Variants in METTL24 observed in about 807,000 individuals in gnomAD.
METTL24 encodes probable methyltransferase-like protein 24.
In METTL24, 29 loss-of-function variants were observed where a neutral mutation model predicts 32.7. The observed-to-expected ratio is 0.89, with a 90% CI of 0.66 to 1.21. The LOEUF is 1.21. METTL24 is among the 50% of genes most tolerant of loss of function. The pLI is 0.00. For missense variants in METTL24, 439 were observed against 468.1 expected (o/e 0.94, Z 0.57); for synonymous variants, 163 against 179.5 (o/e 0.91, Z 0.73).
chr6:110,256,913 C>T (rs1778395876), intron 4 of METTL24, among the ~76,000 whole-genome samples: 1 of 152,214 alleles, frequency 6.6e-6, no homozygotes, highest in African/African-American at 2.4e-5. Context: ...CATGTCACTT[C>T]CTTCTTGTGG....
intron 3 of METTL24, among the ~76,000 whole-genome samples, chr6:110,312,768 G>A (rs542853952): frequency 9.2e-5 from 14 of 152,254 alleles, no homozygotes; most frequent in South Asian, 2.1e-4. Context: ...AAGTGTTACC[G>A]GTGCAGGGGT....
intron 1 of METTL24, among the ~76,000 whole-genome samples, chr6:110,329,647 A>C (rs1436054215): frequency 6.6e-6 from 1 of 152,076 alleles, no homozygotes; most frequent in African/African-American, 2.4e-5. Flanking sequence ...GAAGGCTGCG[A>C]GGGGAGTGCC....
chr6:110,357,480 T>G (rs1430464246), intron 1 of METTL24: 1 of 152,280 alleles, frequency 6.6e-6, no homozygotes. Flanking sequence ...TTCAGCGAGA[T>G]GAAGGCAGTG....
intron 4 of METTL24, among the ~76,000 whole-genome samples, chr6:110,250,616 G>A (rs954681785): frequency 6.7e-6 from 1 of 148,834 alleles, no homozygotes; most frequent in Non-Finnish European, 1.5e-5. Context: ...CAATTCCCAG[G>A]GCCAATAGTT....
At chr6:110,283,547 G>A (rs1490858321) in intron 4 of METTL24, among the ~76,000 whole-genome samples, 6 of 152,092 alleles carry the variant, frequency 3.9e-5, no homozygotes, top group African/African-American at 9.7e-5. Flanking sequence ...TGGCTCATTC[G>A]CCCACCCACT....
chr6:110,313,523 C>G (rs1195827123), intron 3 of METTL24, among the ~76,000 whole-genome samples: 1 of 152,138 alleles, frequency 6.6e-6, no homozygotes, highest in African/African-American at 2.4e-5. Flanking sequence ...TTTGATTTTA[C>G]TCAGTTATAT....
At chr6:110,284,103 A>T (rs1006237801) in intron 4 of METTL24, among the ~76,000 whole-genome samples, 1 of 152,210 alleles carries the variant, frequency 6.6e-6, no homozygotes, top group African/African-American at 2.4e-5. Context: ...AGTGAAATAA[A>T]CTACACACAA....
intron 1 of METTL24, among the ~76,000 whole-genome samples, chr6:110,353,547 CTT>C (rs75803780): frequency 2.9e-5 from 3 of 104,026 alleles, no homozygotes; most frequent in Non-Finnish European, 6.2e-5. Context: ...GGAAACAGTT[CTT>C]TTTTTTTTTT....
intron 3 of METTL24, among the ~76,000 whole-genome samples, chr6:110,308,044 C>A (rs1000801005): frequency 2.0e-5 from 3 of 152,152 alleles, no homozygotes; most frequent in Non-Finnish European, 4.4e-5. Flanking sequence ...AATAGTGGAG[C>A]CATCTTGATC....
At chr6:110,286,583 G>A (rs964056712) in intron 4 of METTL24, among the ~76,000 whole-genome samples, 8 of 152,184 alleles carry the variant, frequency 5.3e-5, no homozygotes, top group African/African-American at 1.9e-4. Flanking sequence ...AGAACACCAT[G>A]TACATACAAC....
intron 4 of METTL24, among the ~76,000 whole-genome samples, chr6:110,294,485 G>C (rs891678164): frequency 6.6e-6 from 1 of 151,756 alleles, no homozygotes; most frequent in Admixed American, 6.6e-5. Flanking sequence ...GCAAAAAGAG[G>C]GGGGAATACT....
chr6:110,295,801 G>GGAAGGAAGGAAGGAAGGAAC (rs1771405018), intron 4 of METTL24, among the ~76,000 whole-genome samples: 1 of 117,260 alleles, frequency 8.5e-6, no homozygotes, highest in African/African-American at 2.9e-5. Context: ...AAGAAAGGAA[G>GGAAGGAAGGAAGGAAGGAAC]GAAGGAAGGA....
intron 2 of METTL24, among the ~76,000 whole-genome samples, chr6:110,320,261 T>G (rs2114752340): frequency 6.6e-6 from 1 of 152,354 alleles, no homozygotes; most frequent in East Asian, 1.9e-4. Context: ...TTGCCCATTA[T>G]GACTCACTTC....
rs112340229 is a variant in METTL24 at position 110,250,156 on chromosome 6, C to G, written c.787-3896G>C. ...TCCAAGGGCTGCCGTAACAAAAGAC[C>G]ATGGATTGGGAGGTTTAAATAACAG... On this transcript the variant is annotated intron_variant, in intron 4 of 4. Transcript: ENST00000338882. 5.0e-3 allele frequency among the ~76,000 whole-genome samples: 753 copies of G among 151,926 alleles called. 10 individuals carry two copies. The highest frequency in any genetic ancestry group is 0.018 in the African/African-American group (727 of 41,494).
intron 3 of METTL24, among the ~76,000 whole-genome samples, chr6:110,312,677 ATGG>A (rs1468899852): frequency 6.6e-6 from 1 of 152,138 alleles, no homozygotes; most frequent in African/African-American, 2.4e-5. Flanking sequence ...GAGTAGAATG[ATGG>A]TTATCAGATG....
At chr6:110,338,103 T>C (rs1339761275) in intron 1 of METTL24, among the ~76,000 whole-genome samples, 2 of 152,212 alleles carry the variant, frequency 1.3e-5, no homozygotes, top group East Asian at 3.8e-4. Context: ...TTAATGACTT[T>C]GGAAGAAAGC....
intron 4 of METTL24, among the ~76,000 whole-genome samples, chr6:110,290,531 C>T (rs551325507): frequency 6.6e-6 from 1 of 152,274 alleles, no homozygotes; most frequent in African/African-American, 2.4e-5. Flanking sequence ...TTTCATTGAT[C>T]AGTGGTATTT....
Position 110,358,237 on chromosome 6 carries a change from G to A in METTL24, c.36C>T (p.Gly12=). The A allele has an allele frequency of 6.7e-7, 1 of 1,486,516 alleles. No individual in the cohort carries two copies. Among genetic ancestry groups the A allele is most frequent in the Non-Finnish European group, 8.9e-7 (1 of 1,125,494 alleles). The allele number at this position is 1,486,516 out of a possible 1,614,324, so 92.1% of individuals were successfully genotyped here. Residue 12 remains glycine, a synonymous_variant, in exon 1 of 5, where the codon GGC becomes GGT. Transcript: ENST00000338882. ...CCCCGAGTAGACACCGGCGCAGGAC[G>A]CCGCAGCCCCTCCCGGGCGGCCTCT... ...ARERPPGRGC[G]VLRRCLLGAV... is the part of the protein sequence containing the mutation.
At chr6:110,249,341 CACA>C (rs1160469546) in intron 4 of METTL24, among the ~76,000 whole-genome samples, 10 of 151,908 alleles carry the variant, frequency 6.6e-5, no homozygotes, top group African/African-American at 1.7e-4. Flanking sequence ...TATTTTCAAA[CACA>C]ACAACACTCC....
Sources: allele counts gnomAD v4.1 joint callset (sites outside exome capture counted in the v4.1 genomes callset), GRCh38; gene constraint gnomAD v4.1.1; transcripts MANE v1.5; gene names NCBI Gene and HGNC (gene_info 2026-07-23, HGNC 2026-07-21).